The following CMBL variants were observed in gnomAD, a reference collection of about 807,000 sequenced individuals.
CMBL encodes carboxymethylenebutenolidase homolog.
A neutral mutation model predicts 28.7 loss-of-function variants in CMBL; 17 were observed. The ratio of observed to expected loss-of-function variants is 0.59; its 90% CI spans 0.41 to 0.89. CMBL has a LOEUF of 0.89. Among genes scored for constraint, CMBL ranks in the 40% least tolerant of loss-of-function variants. The probability of loss-of-function intolerance (pLI) is 0.00; values close to 1 mark genes in which losing one functional copy is unlikely to be tolerated. For missense variants in CMBL, 310 were observed against 298.5 expected (o/e 1.04, Z -0.28); for synonymous variants, 106 against 101.6 (o/e 1.04, Z -0.26).
In CMBL at chr5:10,300,174, G is replaced by A. The variant is rs79685745; in HGVS notation, c.-20+7451C>T. On this transcript the variant is annotated intron_variant, in intron 1 of 5. Transcript: ENST00000296658. The stretch of plus-strand genomic sequence containing the variant: ...GGTGTCCTTCTAAGGAGGGGAAAAC[G>A]TGGACAAAGACACAACAGACGCACA... 1.5e-3 allele frequency among the ~76,000 whole-genome samples: 229 copies of A among 152,276 alleles called. 1 individual carries two copies. The highest frequency in any genetic ancestry group is 5.2e-3 in the African/African-American group (215 of 41,564).
chr5:10,306,935 A>G (rs1747010566), intron 1 of CMBL, among the ~76,000 whole-genome samples: 1 of 152,098 alleles, frequency 6.6e-6, no homozygotes, highest in African/African-American at 2.4e-5. Flanking sequence ...CTCATTACTA[A>G]CCACTTTATT....
In CMBL at chr5:10,278,857, A is replaced by G. The variant is rs957371016; in HGVS notation, c.*1596T>C. 6.6e-6 allele frequency among the ~76,000 whole-genome samples: 1 copy of G among 152,026 alleles called. No homozygotes were observed. Among genetic ancestry groups the G allele is most frequent in the Non-Finnish European group, 1.5e-5 (1 of 68,022 alleles). On this transcript the variant is annotated 3_prime_UTR_variant, in exon 6 of 6. Coordinates refer to ENST00000296658, the MANE Select transcript of CMBL (RefSeq NM_138809.4). ...GATAAACAAGCTTCCTGCGAGAGGG[A>G]CACCTGGCCACAGGTTGGACACTCA... is the stretch of plus-strand genomic sequence containing the variant.
chr5:10,286,640 C>T (rs1746609952), intron 3 of CMBL, 144 bp from the exon 4 acceptor site: 1 of 655,740 alleles, frequency 1.5e-6, no homozygotes, highest in Non-Finnish European at 2.5e-6. Flanking sequence ...CCCTTACTAC[C>T]TCTGGCCCAA....
At chr5:10,295,784 G>A (rs1195406673) in intron 1 of CMBL, among the ~76,000 whole-genome samples, 2 of 152,190 alleles carry the variant, frequency 1.3e-5, no homozygotes, top group Admixed American at 6.5e-5. Flanking sequence ...GTTTGTTGTT[G>A]AAGCCACGTT....
At chr5:10,301,682 A>C (rs1288426425) in intron 1 of CMBL, among the ~76,000 whole-genome samples, 1 of 146,634 alleles carries the variant, frequency 6.8e-6, no homozygotes, top group African/African-American at 2.5e-5. Context: ...GCTCACTGCA[A>C]ACTCCGCCTC....
At position 10,278,223 on chromosome 5, in the gene CMBL, G is replaced by C. The variant is rs1746428550; in HGVS notation, c.*2230C>G. Among the ~76,000 whole-genome samples the C allele has an allele frequency of 6.6e-6, 1 of 152,214 alleles. No individual in the cohort carries two copies. The highest frequency in any genetic ancestry group is 2.1e-4 in the South Asian group (1 of 4,828). ...ATGTTTCCTGAGCATCTATTTGAAT[G>C]TAAGTTGGACTTTCTCATACTAGAA... On this transcript the variant is annotated 3_prime_UTR_variant, in exon 6 of 6. Coordinates refer to ENST00000296658, the MANE Select transcript of CMBL (RefSeq NM_138809.4).
At chr5:10,303,166 G>C (rs1298396951) in intron 1 of CMBL, among the ~76,000 whole-genome samples, 3 of 152,152 alleles carry the variant, frequency 2.0e-5, no homozygotes, top group Admixed American at 6.6e-5. Context: ...CCTGTGACCT[G>C]TAAGCTACCA....
At chr5:10,300,254 C>G (rs1429981969) in intron 1 of CMBL, among the ~76,000 whole-genome samples, 1 of 151,422 alleles carries the variant, frequency 6.6e-6, no homozygotes, top group Non-Finnish European at 1.5e-5. Flanking sequence ...CACCTGCAAG[C>G]CAAGGATTGC....
intron 4 of CMBL, among the ~76,000 whole-genome samples, chr5:10,284,663 G>A (rs114786021): frequency 0.021 from 3,222 of 152,250 alleles, 110 homozygotes; most frequent in African/African-American, 0.071. Flanking sequence ...GTTTCGGGTC[G>A]GCCAGGTGAG....
At chr5:10,282,508 C>A (rs759496006) in intron 4 of CMBL, among the ~76,000 whole-genome samples, 1 of 152,004 alleles carries the variant, frequency 6.6e-6, no homozygotes, top group Admixed American at 6.6e-5. Flanking sequence ...GAAGGCCGGG[C>A]GCGGTGGCTC....
intron 4 of CMBL, among the ~76,000 whole-genome samples, chr5:10,285,699 T>TC (rs926870499): frequency 2.3e-5 from 2 of 87,072 alleles, no homozygotes; most frequent in Admixed American, 1.2e-4. Context: ...TCTTTCTTTT[T>TC]CTTTTTTTTT....
rs143410289 is a variant in CMBL, at chr5:10,285,358, G to A, written c.466+996C>T. 9.3e-3 allele frequency among the ~76,000 whole-genome samples: 1,414 copies of A among 151,908 alleles called. 29 individuals carry two copies. Among genetic ancestry groups the A allele is most frequent in the African/African-American group, 0.032 (1,312 of 41,414 alleles). ...TAATTTTTGTATTTTTAGTAGAGAC[G>A]GGGTTTCACCATATTGGCCAGGCTG... is the stretch of plus-strand genomic sequence containing the variant. On this transcript the variant is annotated intron_variant, in intron 4 of 5. Transcript: ENST00000296658.
chr5:10,288,288 C>A (rs1746643252), intron 3 of CMBL, 134 bp downstream of exon 3: 2 of 684,766 alleles, frequency 2.9e-6, no homozygotes, highest in Admixed American at 5.2e-5. Context: ...CTCCTTTGTG[C>A]CAGGGGAAGG....
chr5:10,298,851 C>T (rs1484542247), intron 1 of CMBL, among the ~76,000 whole-genome samples: 1 of 152,174 alleles, frequency 6.6e-6, no homozygotes, highest in Non-Finnish European at 1.5e-5. Flanking sequence ...CGAGATCGCG[C>T]CACTGCACTC....
At chr5:10,283,656 T>C (rs570888060) in intron 4 of CMBL, among the ~76,000 whole-genome samples, 54 of 152,226 alleles carry the variant, frequency 3.5e-4, no homozygotes, top group African/African-American at 1.2e-3. Context: ...CCCCAGCTAC[T>C]CAGGAGGCTG....
At chr5:10,301,659 G>C (rs1329882348) in intron 1 of CMBL, among the ~76,000 whole-genome samples, 2 of 135,814 alleles carry the variant, frequency 1.5e-5, no homozygotes, top group Non-Finnish European at 3.1e-5. Context: ...CTGGATTGCA[G>C]TGCACGATCT....
rs752087307 is a variant in CMBL at position 10,290,712 on chromosome 5, C to T, written c.51G>A (p.Glu17=). Reference sequence around the variant, plus strand: ...GAACTTCACGGCCTAGCCCTCCATACTCAAGTCTGTGGCCAATGTCACACG... The same window carrying T: ...GAACTTCACGGCCTAGCCCTCCATATTCAAGTCTGTGGCCAATGTCACACG... ...PCPCDIGHRL[E]YGGLGREVQV... The change falls in exon 2 of 6, where the codon GAG becomes GAA. Residue 17 remains glutamate, a synonymous_variant. Transcript: ENST00000296658. 2.5e-6 allele frequency: 4 copies of T among 1,614,210 alleles called. No individual in the cohort carries two copies. In the East Asian group the frequency reaches 6.7e-5, roughly 27 times the overall value.
At chr5:10,282,489 A>G (rs959512410) in intron 4 of CMBL, among the ~76,000 whole-genome samples, 3 of 152,156 alleles carry the variant, frequency 2.0e-5, no homozygotes. Flanking sequence ...TTGTAAGATT[A>G]GCGTAAAAGA....
intron 1 of CMBL, among the ~76,000 whole-genome samples, chr5:10,291,385 G>A (rs983713642): frequency 5.9e-5 from 9 of 151,928 alleles, no homozygotes; most frequent in Admixed American, 1.3e-4. Flanking sequence ...ATCCTCGGCC[G>A]GGCGCGGTGG....
Sources: allele counts gnomAD v4.1 joint callset (sites outside exome capture counted in the v4.1 genomes callset), GRCh38; gene constraint gnomAD v4.1.1; transcripts MANE v1.5; gene names NCBI Gene and HGNC (gene_info 2026-07-23, HGNC 2026-07-21).